Variants in RNF111 observed in about 807,000 individuals in gnomAD.
RNF111 encodes the protein E3 ubiquitin-protein ligase Arkadia.
RNF111 carries 17 observed loss-of-function variants against 95.1 expected under a neutral mutation model. The observed-to-expected ratio is 0.18, with a 90% CI of 0.12 to 0.27. The LOEUF (loss-of-function observed/expected upper bound fraction) is 0.27. Ranked by LOEUF, RNF111 falls within the 10% of genes least tolerant of loss-of-function variation. RNF111 has a pLI of 1.00. For synonymous variants in RNF111, 440 were observed against 414.8 expected (o/e 1.06, Z -0.74); for missense variants, 1,189 against 1,210.4 (o/e 0.98, Z 0.26).
At chr15:59,033,590 T>C (rs1353472046) in intron 2 of RNF111, among the ~76,000 whole-genome samples, 1 of 152,284 alleles carries the variant, frequency 6.6e-6, no homozygotes, top group African/African-American at 2.4e-5. Context: ...CAGTTTGTGC[T>C]CGAAGTCAGT....
At position 59,030,259 on chromosome 15, in the gene RNF111, T is replaced by TTTA. The variant is rs536914730; in HGVS notation, c.-19-544_-19-543insTAT. Among the ~76,000 whole-genome samples the TTTA allele has an allele frequency of 2.3e-3, 345 of 152,254 alleles. 4 individuals carry two copies. Among genetic ancestry groups the TTTA allele is most frequent in the African/African-American group, 7.8e-3 (324 of 41,546 alleles). On this transcript the variant is annotated intron_variant, in intron 1 of 13. Transcript: ENST00000348370. ...GAGAATTCAGATTCTCATTAGAGAA[T>TTTA]TAATAGAGTAGTATGAAGGAAAAAA...
At chr15:58,996,217 C>G (rs1411407304) in intron 1 of RNF111, among the ~76,000 whole-genome samples, 1 of 152,048 alleles carries the variant, frequency 6.6e-6, no homozygotes, top group Non-Finnish European at 1.5e-5. Flanking sequence ...CTATTTTTAA[C>G]TAAGTCATCA....
intron 2 of RNF111, among the ~76,000 whole-genome samples, chr15:59,048,150 A>C (rs2041803509): frequency 1.3e-5 from 2 of 152,244 alleles, no homozygotes; most frequent in African/African-American, 2.4e-5. Flanking sequence ...AGGAAGACTT[A>C]TACATGAATG....
At chr15:59,026,682 G>C (rs1393723977) in intron 1 of RNF111, among the ~76,000 whole-genome samples, 2 of 151,452 alleles carry the variant, frequency 1.3e-5, no homozygotes, top group Non-Finnish European at 2.9e-5. Context: ...CCTCTTCTAA[G>C]TTCAAAATAC....
At chr15:59,058,881 T>G (rs749200084) in intron 5 of RNF111, among the ~76,000 whole-genome samples, 1 of 152,162 alleles carries the variant, frequency 6.6e-6, no homozygotes, top group Admixed American at 6.5e-5. Flanking sequence ...AAGGATATTA[T>G]CAAGACAGTG....
Position 59,058,262 on chromosome 15 carries a change from T to A in RNF111, c.1172-94T>A, listed in dbSNP as rs1269282120. ...AGAGCTTGTATTTTTAAAGTTTTTT[T>A]ATTTATTAATTATAAACACATTAGC... On this transcript the variant is annotated intron_variant, in intron 4 of 13. Transcript: ENST00000348370. 44 of 1,016,002 alleles carry A rather than the reference T, an allele frequency of 4.3e-5. No homozygotes were observed. In the East Asian group the frequency reaches 5.0e-4, roughly 12 times the overall value. 62.9% of individuals were successfully genotyped at this position (1,016,002 alleles called of 1,614,324 possible).
intron 3 of RNF111, among the ~76,000 whole-genome samples, chr15:59,054,715 A>G (rs1288761160): frequency 6.6e-6 from 1 of 152,118 alleles, no homozygotes; most frequent in Non-Finnish European, 1.5e-5. Context: ...AGTTGGGCTG[A>G]AAATGTTGAG....
chr15:59,070,032 T>C (rs1325965334), intron 6 of RNF111, among the ~76,000 whole-genome samples: 1 of 63,652 alleles, frequency 1.6e-5, no homozygotes, highest in Non-Finnish European at 3.1e-5. Flanking sequence ...CCTCCTGCTT[T>C]TTTTTTTTTT....
At chr15:59,042,015 TCTATC>T (rs1294207617) in intron 2 of RNF111, among the ~76,000 whole-genome samples, 2 of 151,714 alleles carry the variant, frequency 1.3e-5, no homozygotes, top group Non-Finnish European at 2.9e-5. Flanking sequence ...TCTTCATTCT[TCTATC>T]CATTTTTAGA....
At chr15:59,008,187 A>G (rs1403927297) in intron 1 of RNF111, among the ~76,000 whole-genome samples, 20 of 151,976 alleles carry the variant, frequency 1.3e-4, no homozygotes, top group Admixed American at 7.9e-4. Context: ...TTTTTTTCCT[A>G]TCTGGCTCTC....
chr15:58,987,745 C>A lies in RNF111; in HGVS notation c.-343C>A. 1 of 179,482 alleles carries A rather than the reference C, an allele frequency of 5.6e-6. No individual in the cohort carries two copies. 11.1% of individuals were successfully genotyped at this position (179,482 alleles called of 1,614,324 possible). A position where few individuals can be genotyped will look rare whatever the true frequency, so the allele number is the denominator to read the frequency against. ...GGCGGCGGCGGCTGTAGGGGAGCAG[C>A]GGCAGTGGCGGCGACGGCGAGGAGG... On this transcript the variant is annotated 5_prime_UTR_variant, in exon 1 of 14. Coordinates refer to ENST00000348370, the MANE Select transcript of RNF111 (RefSeq NM_017610.8).
chr15:59,048,435 G>A (rs1313648901), intron 2 of RNF111, among the ~76,000 whole-genome samples: 1 of 152,158 alleles, frequency 6.6e-6, no homozygotes, highest in Non-Finnish European at 1.5e-5. Context: ...TTGTTGCAGG[G>A]GTATTGGAGT....
chr15:59,023,761 A>G (rs377656786), intron 1 of RNF111, among the ~76,000 whole-genome samples: 14 of 152,296 alleles, frequency 9.2e-5, no homozygotes, highest in Admixed American at 5.2e-4. Context: ...GAGAATGCCT[A>G]TAGTGTTTCA....
chr15:59,094,830 G>T lies in RNF111; in HGVS notation c.2891G>T (p.Trp964Leu). The change falls in exon 14 of 14, where the codon TGG (tryptophan) becomes TTG (leucine). Residue 964 changes from tryptophan to leucine, a missense_variant. Around this residue, in one of 2 missense-constraint regions of RNF111, gnomAD observed 165 missense variants for 284.6 expected, o/e 0.58. Coordinates refer to ENST00000348370, the MANE Select transcript of RNF111 (RefSeq NM_017610.8). ...HLFHQVCVDQ[W>L]LITNKKCPIC... is the part of the protein sequence containing the mutation. ...TTCCACCAAGTGTGTGTTGACCAAT[G>T]GTTGATTACCAATAAGAAGTGCCCC... 1 of 1,613,370 alleles carries T rather than the reference G, an allele frequency of 6.2e-7. No individual in the cohort carries two copies. Among genetic ancestry groups the T allele is most frequent in the Non-Finnish European group, 8.5e-7 (1 of 1,179,504 alleles).
At chr15:59,004,130 T>C in intron 1 of RNF111, 1 of 1,210,714 alleles carries the variant, frequency 8.3e-7, no homozygotes, top group Non-Finnish European at 1.1e-6. Context: ...TGTGAATGCA[T>C]GTTTTTTCCC....
intron 13 of RNF111, among the ~76,000 whole-genome samples, chr15:59,094,013 C>T (rs1175828751): frequency 6.6e-6 from 1 of 152,122 alleles, no homozygotes; most frequent in African/African-American, 2.4e-5. Flanking sequence ...TAGAAATGGA[C>T]ACGAGTCAGT....
At chr15:59,092,382 T>G (rs2079077634) in intron 12 of RNF111, 155 bp from the exon 13 acceptor site, 1 of 605,430 alleles carries the variant, frequency 1.7e-6, no homozygotes, top group Non-Finnish European at 2.6e-6. Flanking sequence ...AGTCACTTAA[T>G]TCATCCATTT....
chr15:59,030,003 T>TA (rs1396620184), intron 1 of RNF111, among the ~76,000 whole-genome samples: 1 of 152,256 alleles, frequency 6.6e-6, no homozygotes, highest in Admixed American at 6.5e-5. Context: ...TATTTACTAT[T>TA]ACATTATTTT....
At position 59,096,644 on chromosome 15, in the gene RNF111, G is replaced by A. The variant is rs534280073; in HGVS notation, c.*1744G>A. The A allele has an allele frequency of 2.6e-5, 4 of 152,336 alleles. No individual in the cohort carries two copies. The East Asian group carries it at 5.8e-4, about 22-fold the overall frequency. 9.4% of individuals were successfully genotyped at this position (152,336 alleles called of 1,614,324 possible). A position where few individuals can be genotyped will look rare whatever the true frequency, so the allele number is the denominator to read the frequency against. ...CAACATAGTATGTGTGCAGATGGAC[G>A]ATGGATTTAAAGAGCATACCTTATG... is the stretch of plus-strand genomic sequence containing the variant. On this transcript the variant is annotated 3_prime_UTR_variant, in exon 14 of 14. Coordinates refer to ENST00000348370, the MANE Select transcript of RNF111 (RefSeq NM_017610.8).
Sources: allele counts gnomAD v4.1 joint callset (sites outside exome capture counted in the v4.1 genomes callset), GRCh38; gene constraint gnomAD v4.1.1; regional missense constraint gnomAD v4.1.1; transcripts MANE v1.5; gene names NCBI Gene and HGNC (gene_info 2026-07-23, HGNC 2026-07-21).